Variants in CSMD1 observed in about 807,000 individuals in gnomAD.
The protein encoded by CSMD1 is CUB and sushi domain-containing protein 1.
Under a neutral mutation model 417.5 loss-of-function variants are expected in CSMD1, and 213 were observed. The ratio of observed to expected loss-of-function variants is 0.51; its 90% confidence interval spans 0.46 to 0.57. The LOEUF (loss-of-function observed/expected upper bound fraction) is 0.57, where lower values mean the gene tolerates loss of function less well. Among genes scored for constraint, CSMD1 ranks in the 20% least tolerant of loss-of-function variants. The pLI is 0.00. For synonymous variants in CSMD1, 2,862 were observed against 1,736.8 expected (o/e 1.65, Z -16.11); for missense variants, 6,923 against 4,529.7 (o/e 1.53, Z -15.17).
At chr8:4,327,327 A>G (rs1008310512) in intron 3 of CSMD1, among the ~76,000 whole-genome samples, 1 of 152,174 alleles carries the variant, frequency 6.6e-6, no homozygotes, top group African/African-American at 2.4e-5. Flanking sequence ...GAGCAATTTT[A>G]AGAGAGAATC....
chr8:4,702,316 G>A (rs1807615638), intron 1 of CSMD1, among the ~76,000 whole-genome samples: 1 of 152,004 alleles, frequency 6.6e-6, no homozygotes, highest in South Asian at 2.1e-4. Context: ...CATGGCCATG[G>A]GCCTCTGACT....
chr8:3,155,663 G>A (rs535722638), intron 39 of CSMD1, among the ~76,000 whole-genome samples: 37 of 151,646 alleles, frequency 2.4e-4, no homozygotes, highest in African/African-American at 5.1e-4. Context: ...CACCGCGCCC[G>A]GTCAAGGCTG....
At chr8:4,437,850 C>T (rs757173232) in intron 2 of CSMD1, among the ~76,000 whole-genome samples, 113 of 152,152 alleles carry the variant, frequency 7.4e-4, no homozygotes, top group Non-Finnish European at 8.4e-4. Flanking sequence ...AGGTCTGCCC[C>T]TAGTTCACCT....
rs370093749 is a variant in CSMD1, at chr8:4,192,982, C to T, written c.416-160883G>A. Among the ~76,000 whole-genome samples the T allele has an allele frequency of 1.2e-4, 18 of 152,282 alleles. No homozygotes were observed. The South Asian group carries it at 1.7e-3, about 14-fold the overall frequency. ...ATTTTCATAATATTTGAGTGTTTTG[C>T]AAATCAAATGCAATCATATCTTTGT... On this transcript the variant is annotated intron_variant, in intron 3 of 69. Transcript: ENST00000635120.
rs1445570305 is a variant in CSMD1, at chr8:3,000,099, T to G, written c.8062A>C (p.Asn2688His). The G allele has an allele frequency of 6.4e-7, 1 of 1,572,622 alleles. No individual in the cohort carries two copies. Among genetic ancestry groups the G allele is most frequent in the Admixed American group, 1.8e-5 (1 of 55,968 alleles). Residue 2688 changes from asparagine (N) to histidine (H), a missense_variant, in exon 53 of 70, where the codon AAC becomes CAC. Physicochemically the swap from Asn to His is moderately conservative, Grantham distance 68 (BLOSUM62 1). Coordinates refer to ENST00000635120, the MANE Select transcript of CSMD1 (RefSeq NM_033225.6). ...GHCGSPDPIV[N>H]GHISGDGFSY... is the part of the protein sequence containing the mutation. ...AAGCCATCTCCACTAATGTGACCGTTCACAATCGGGTCTGGGGAACCGCAG... is the reference window on the plus strand; with the variant it reads ...AAGCCATCTCCACTAATGTGACCGTGCACAATCGGGTCTGGGGAACCGCAG...
intron 1 of CSMD1, among the ~76,000 whole-genome samples, chr8:4,767,339 G>C (rs1043467145): frequency 2.0e-5 from 3 of 152,180 alleles, no homozygotes; most frequent in Non-Finnish European, 2.9e-5. Flanking sequence ...CAAATGTAGA[G>C]ACTTGTGAAG....
At chr8:4,953,787 A>G (rs1808902353) in intron 1 of CSMD1, among the ~76,000 whole-genome samples, 1 of 152,128 alleles carries the variant, frequency 6.6e-6, no homozygotes, top group South Asian at 2.1e-4. Context: ...GTCTTTGGTA[A>G]TTTTCCCAAA....
At chr8:4,464,170 C>G (rs1485856384) in intron 2 of CSMD1, among the ~76,000 whole-genome samples, 1 of 152,144 alleles carries the variant, frequency 6.6e-6, no homozygotes, top group African/African-American at 2.4e-5. Flanking sequence ...TTCCTCTCTA[C>G]TTCACTTACA....
intron 3 of CSMD1, among the ~76,000 whole-genome samples, chr8:4,198,050 T>C (rs910576667): frequency 1.3e-5 from 2 of 152,254 alleles, no homozygotes; most frequent in African/African-American, 2.4e-5. Flanking sequence ...GAAGTATTTA[T>C]GCTCAGCGAT....
At chr8:4,545,627 G>C (rs532223941) in intron 2 of CSMD1, among the ~76,000 whole-genome samples, 7 of 152,210 alleles carry the variant, frequency 4.6e-5, no homozygotes, top group South Asian at 2.1e-4. Flanking sequence ...TGGTTGGCTG[G>C]TTCGTGGCTA....
At chr8:2,967,779 A>G (rs1434773226) in intron 57 of CSMD1, among the ~76,000 whole-genome samples, 1 of 152,246 alleles carries the variant, frequency 6.6e-6, no homozygotes, top group Non-Finnish European at 1.5e-5. Flanking sequence ...TTAAAAGAAC[A>G]TGGAAGAAAA....
At chr8:3,701,152 C>G (rs1309028443) in intron 7 of CSMD1, among the ~76,000 whole-genome samples, 1 of 152,054 alleles carries the variant, frequency 6.6e-6, no homozygotes, top group South Asian at 2.1e-4. Context: ...GCCTGTTAGA[C>G]ATCAACGTGA....
chr8:3,505,519 A>C (rs1355268102), intron 10 of CSMD1, among the ~76,000 whole-genome samples: 1 of 152,208 alleles, frequency 6.6e-6, no homozygotes, highest in African/African-American at 2.4e-5. Flanking sequence ...CTGTAAATGA[A>C]ATAAAGCTGT....
chr8:4,755,518 T>C (rs1235423562), intron 1 of CSMD1, among the ~76,000 whole-genome samples: 6 of 152,210 alleles, frequency 3.9e-5, no homozygotes, highest in Non-Finnish European at 7.3e-5. Flanking sequence ...TGTTTCCTGC[T>C]TTCAACTCTG....
At chr8:4,903,386 A>G (rs1028961294) in intron 1 of CSMD1, among the ~76,000 whole-genome samples, 1 of 152,198 alleles carries the variant, frequency 6.6e-6, no homozygotes, top group Non-Finnish European at 1.5e-5. Flanking sequence ...AGGAAGCTTC[A>G]TGTCTTTAAA....
At chr8:4,981,357 T>C (rs910559074) in intron 1 of CSMD1, among the ~76,000 whole-genome samples, 3 of 152,188 alleles carry the variant, frequency 2.0e-5, no homozygotes, top group Non-Finnish European at 2.9e-5. Context: ...TTGAAACATC[T>C]GATAATTTAG....
intron 3 of CSMD1, among the ~76,000 whole-genome samples, chr8:4,365,931 T>C (rs1802043749): frequency 6.6e-6 from 1 of 152,324 alleles, no homozygotes; most frequent in South Asian, 2.1e-4. Context: ...TTTTTCTTTT[T>C]TGAAAATGTT....
rs926005380 is a variant in CSMD1 at position 3,233,944 on chromosome 8, G to A, written c.4154-3713C>T. Among the ~76,000 whole-genome samples the A allele has an allele frequency of 5.3e-5, 8 of 152,126 alleles. No individual in the cohort carries two copies. In the South Asian group the frequency reaches 6.2e-4, roughly 12 times the overall value. ...TCACCTACAGACTAGTGTGAATCCC[G>A]CCGGCGGTTGTGAGTTGCATGCATC... On this transcript the variant is annotated intron_variant, in intron 26 of 69. Transcript: ENST00000635120.
intron 4 of CSMD1, among the ~76,000 whole-genome samples, chr8:4,015,797 A>T (rs949587580): frequency 1.3e-5 from 2 of 152,214 alleles, no homozygotes; most frequent in African/African-American, 4.8e-5. Context: ...AGACAAAAAC[A>T]AGGGTGAAAC....
Sources: gnomAD v4.1 joint callset for allele counts (sites outside exome capture counted in the v4.1 genomes callset) on GRCh38, gnomAD v4.1.1 for gene constraint, MANE v1.5 for transcripts, NCBI Gene and HGNC (gene_info 2026-07-23, HGNC 2026-07-21) for gene names.